The following C2orf92 variants were observed in gnomAD, a reference collection of about 807,000 sequenced individuals.
C2orf92 encodes chromosome 2 open reading frame 92, also known as uncharacterized protein C2orf92.
upstream of C2orf92, chr2:97,664,188 G>T (rs1309045018): frequency 1.1e-5 from 2 of 187,344 alleles, no homozygotes; most frequent in Non-Finnish European, 2.2e-5. Flanking sequence ...TCGCGGCGTT[G>T]CCAAGGTAGG....
In C2orf92 at chr2:97,669,720, A is replaced by G. The variant is rs1433201492; in HGVS notation, c.-69A>G. The G allele has an allele frequency of 1.5e-5, 6 of 398,468 alleles. No homozygotes were observed. Among genetic ancestry groups the G allele is most frequent in the Non-Finnish European group, 2.2e-5 (5 of 226,010 alleles). 24.7% of individuals were successfully genotyped at this position (398,468 alleles called of 1,614,324 possible). A position where few individuals can be genotyped will look rare whatever the true frequency, so the allele number is the denominator to read the frequency against. ...TAGGTTCCGTGGTACCCTGGAGTCCACAGCTGCTGAATCTGAAGGGCCATC... is the reference window on the plus strand; with the variant it reads ...TAGGTTCCGTGGTACCCTGGAGTCCGCAGCTGCTGAATCTGAAGGGCCATC... On this transcript the variant is annotated 5_prime_UTR_variant, in exon 1 of 8. Transcript: ENST00000627399.
intron 2 of C2orf92, 154 bp downstream of exon 2, chr2:97,674,711 A>G (rs1675520477): frequency 2.5e-6 from 1 of 394,338 alleles, no homozygotes; most frequent in African/African-American, 2.1e-5. Flanking sequence ...ACTCTCTGAA[A>G]TCCCCTCTAC....
chr2:97,697,458 G>GC (rs963762951), intron 5 of C2orf92: 1 of 152,120 alleles, frequency 6.6e-6, no homozygotes, highest in African/African-American at 2.4e-5. Flanking sequence ...AGCCAAGCGC[G>GC]CCCCCTGGTG....
intron 5 of C2orf92, chr2:97,694,415 AT>A (rs60768687): frequency 0.02 from 2,592 of 129,876 alleles, 33 homozygotes; most frequent in African/African-American, 0.043. Context: ...CGCCCGGCTA[AT>A]TTTTTTTTTT....
At chr2:97,684,688 A>T (rs1440361171) in intron 3 of C2orf92, among the ~76,000 whole-genome samples, 1 of 152,088 alleles carries the variant, frequency 6.6e-6, no homozygotes, top group African/African-American at 2.4e-5. Flanking sequence ...ATGAGAGAAA[A>T]TGTTTGCAAT....
At chr2:97,676,487 G>A (rs1338581666) in intron 3 of C2orf92, among the ~76,000 whole-genome samples, 2 of 149,698 alleles carry the variant, frequency 1.3e-5, no homozygotes, top group Non-Finnish European at 3.0e-5. Flanking sequence ...GGCCGGGTGC[G>A]GTGCCTCATA....
intron 3 of C2orf92, among the ~76,000 whole-genome samples, chr2:97,684,148 G>C (rs1204455780): frequency 6.7e-6 from 1 of 149,906 alleles, no homozygotes; most frequent in Non-Finnish European, 1.5e-5. Flanking sequence ...CCATTCTCCT[G>C]CCTCAGCCTC....
chr2:97,666,715 C>T (rs554710594), upstream of C2orf92, among the ~76,000 whole-genome samples: 4 of 151,532 alleles, frequency 2.6e-5, no homozygotes, highest in South Asian at 4.2e-4. Context: ...TGATGTTGTG[C>T]GCCTGTAGTG....
upstream of C2orf92, among the ~76,000 whole-genome samples, chr2:97,666,394 G>C (rs1401358554): frequency 6.6e-6 from 1 of 151,914 alleles, no homozygotes; most frequent in Non-Finnish European, 1.5e-5. Flanking sequence ...AAAAGTAGCT[G>C]GGCGTGGTGG....
Position 97,684,851 on chromosome 2 carries a change from A to G in C2orf92, c.233-4044A>G, listed in dbSNP as rs139195392. 2.5e-3 allele frequency among the ~76,000 whole-genome samples: 376 copies of G among 152,340 alleles called. 2 individuals carry two copies. The highest frequency in any genetic ancestry group is 8.6e-3 in the African/African-American group (356 of 41,588). On this transcript the variant is annotated intron_variant, in intron 3 of 7. Transcript: ENST00000627399. ...ATACAAATGGCCAATAAACACATAA[A>G]AAGATGCTCAACATCATTAGTCATT...
chr2:97,674,189 G>A (rs1424787726), intron 1 of C2orf92: 1 of 288,474 alleles, frequency 3.5e-6, no homozygotes, highest in Non-Finnish European at 6.4e-6. Context: ...AGAGGAAGAA[G>A]AAGGAGAATT....
intron 5 of C2orf92, among the ~76,000 whole-genome samples, chr2:97,696,434 T>C (rs1285710654): frequency 1.3e-5 from 2 of 151,500 alleles, no homozygotes; most frequent in African/African-American, 2.4e-5. Flanking sequence ...GTAGTGACCA[T>C]TCAAAAAAAA....
chr2:97,665,623 A>G (rs1177331887), upstream of C2orf92, among the ~76,000 whole-genome samples: 3 of 151,554 alleles, frequency 2.0e-5, no homozygotes, highest in Non-Finnish European at 2.9e-5. Flanking sequence ...CAGCATAACA[A>G]AATTTAGTGC....
At position 97,699,106 on chromosome 2, in the gene C2orf92, A is replaced by T. The variant is rs980891473; in HGVS notation, c.484A>T (p.Lys162Ter). ...DLREQLTTID[K>*]ETLQGAAKPD... ...AAGAGAGCAGTTAACTACTATAGATAAAGAAACACTTCAAGGAGCAGCTAA... is the reference window on the plus strand; with the variant it reads ...AAGAGAGCAGTTAACTACTATAGATTAAGAAACACTTCAAGGAGCAGCTAA... The change falls in exon 6 of 8, where the codon AAA (lysine) becomes TAA (stop). Residue 162 changes from lysine (K) to a stop codon, truncating the protein, a stop_gained. Coordinates refer to ENST00000627399, the MANE Select transcript of C2orf92 (RefSeq NM_001351368.2). LOFTEE classifies it high-confidence loss of function. 1.0e-5 allele frequency: 4 copies of T among 398,528 alleles called. No individual in the cohort carries two copies. The highest frequency in any genetic ancestry group is 1.3e-5 in the Non-Finnish European group (3 of 226,078). 24.7% of individuals were successfully genotyped at this position (398,528 alleles called of 1,614,324 possible). A position where few individuals can be genotyped will look rare whatever the true frequency, so the allele number is the denominator to read the frequency against.
intron 2 of C2orf92, chr2:97,675,536 A>C (rs1675545244): frequency 3.6e-6 from 1 of 277,018 alleles, no homozygotes; most frequent in Non-Finnish European, 6.7e-6. Flanking sequence ...ATCATTTGCC[A>C]TACACCATGT....
chr2:97,702,545 C>T (rs761516096), intron 7 of C2orf92, 124 bp from the exon 8 acceptor site: 32 of 395,948 alleles, frequency 8.1e-5, no homozygotes, highest in Non-Finnish European at 1.4e-4. Context: ...AGATGACAAA[C>T]CTTACTGATG....
At chr2:97,681,806 C>T (rs912591051) in intron 3 of C2orf92, among the ~76,000 whole-genome samples, 3 of 151,408 alleles carry the variant, frequency 2.0e-5, no homozygotes, top group Admixed American at 6.6e-5. Flanking sequence ...TGCAGTGAGC[C>T]GAGATGGTGC....
chr2:97,687,237 C>T (rs1675993701), intron 3 of C2orf92, among the ~76,000 whole-genome samples: 1 of 152,038 alleles, frequency 6.6e-6, no homozygotes, highest in Non-Finnish European at 1.5e-5. Context: ...TGTGGTGACA[C>T]ATGCCTGTAG....
intron 3 of C2orf92, 123 bp from the exon 4 acceptor site, chr2:97,688,772 C>T: frequency 5.0e-6 from 2 of 396,106 alleles, no homozygotes; most frequent in Non-Finnish European, 8.9e-6. Flanking sequence ...GGAATAACGT[C>T]CCATATCTGT....
Sources: gnomAD v4.1 joint callset for allele counts (sites outside exome capture counted in the v4.1 genomes callset) on GRCh38, gnomAD v4.1.1 for gene constraint, MANE v1.5 for transcripts, NCBI Gene and HGNC (gene_info 2026-07-23, HGNC 2026-07-21) for gene names.